The following KCNH7 variants were observed in gnomAD, a reference collection of about 807,000 sequenced individuals.
KCNH7 encodes the protein potassium voltage-gated channel subfamily H member 7, also known as voltage-gated inwardly rectifying potassium channel KCNH7.
In KCNH7, 49 loss-of-function variants were observed where a neutral mutation model predicts 120.8. The ratio of observed to expected loss-of-function variants is 0.41; its 90% confidence interval spans 0.32 to 0.51. KCNH7 has a LOEUF of 0.51. KCNH7 is among the 20% of genes least tolerant of loss of function. The probability of loss-of-function intolerance (pLI) is 0.38; values close to 1 mark genes in which losing one functional copy is unlikely to be tolerated. For missense variants in KCNH7, 1,097 were observed against 1,446.6 expected (o/e 0.76, Z 3.92); for synonymous variants, 547 against 516.1 (o/e 1.06, Z -0.81).
At chr2:162,445,409 C>T (rs1379992522) in intron 7 of KCNH7, among the ~76,000 whole-genome samples, 1 of 152,074 alleles carries the variant, frequency 6.6e-6, no homozygotes, top group African/African-American at 2.4e-5. Context: ...TGTAGGAAAA[C>T]TTAACTTCTT....
chr2:162,697,711 A>G (rs924731566), intron 2 of KCNH7, among the ~76,000 whole-genome samples: 5 of 152,026 alleles, frequency 3.3e-5, no homozygotes, highest in Non-Finnish European at 5.9e-5. Context: ...GTTTTGCATG[A>G]TTTTCTGTGT....
intron 9 of KCNH7, 121 bp from the exon 10 acceptor site, chr2:162,400,562 A>G: frequency 2.2e-6 from 2 of 925,466 alleles, no homozygotes; most frequent in South Asian, 3.2e-5. Flanking sequence ...AGTTCCTACT[A>G]CTCTTCTACC....
chr2:162,376,293 C>T (rs563201710), intron 14 of KCNH7, among the ~76,000 whole-genome samples: 4 of 151,904 alleles, frequency 2.6e-5, no homozygotes, highest in Non-Finnish European at 4.4e-5. Context: ...AGATAAATTG[C>T]TCTGTGTGCA....
intron 2 of KCNH7, among the ~76,000 whole-genome samples, chr2:162,762,476 A>G (rs1469050253): frequency 6.6e-6 from 1 of 151,968 alleles, no homozygotes; most frequent in Non-Finnish European, 1.5e-5. Context: ...TGGATTTTAG[A>G]TCCATTCTGA....
At chr2:162,464,826 A>T (rs959924144) in intron 6 of KCNH7, among the ~76,000 whole-genome samples, 2 of 152,032 alleles carry the variant, frequency 1.3e-5, no homozygotes, top group African/African-American at 4.8e-5. Context: ...TAACCCTCTC[A>T]TATACAGATA....
intron 9 of KCNH7, among the ~76,000 whole-genome samples, chr2:162,407,063 A>G (rs1326188774): frequency 1.3e-5 from 2 of 152,048 alleles, no homozygotes; most frequent in Non-Finnish European, 2.9e-5. Flanking sequence ...TGGCTGAAGA[A>G]AAAATAAGGA....
At chr2:162,634,222 G>A (rs1013794024) in intron 2 of KCNH7, among the ~76,000 whole-genome samples, 9 of 151,846 alleles carry the variant, frequency 5.9e-5, no homozygotes, top group African/African-American at 2.2e-4. Flanking sequence ...TCATTTTAAA[G>A]CACTATTAAA....
chr2:162,372,118 A>G, intron 15 of KCNH7, 23 bp from the exon 16 acceptor site: 3 of 1,574,698 alleles, frequency 1.9e-6, no homozygotes, highest in Non-Finnish European at 1.7e-6. Context: ...GAACAAAACA[A>G]GTTTTTATAA....
chr2:162,820,209 T>TGTGTGTGTG (rs1685065485), intron 2 of KCNH7, among the ~76,000 whole-genome samples: 7 of 99,682 alleles, frequency 7.0e-5, no homozygotes, highest in Non-Finnish European at 1.4e-4. Context: ...CCGGCTAATT[T>TGTGTGTGTG]TGTGTGTGTG....
chr2:162,636,902 T>C (rs541516114), intron 2 of KCNH7, among the ~76,000 whole-genome samples: 22 of 152,240 alleles, frequency 1.4e-4, no homozygotes, highest in African/African-American at 5.1e-4. Flanking sequence ...GTCAACACTT[T>C]GCAGTTATTC....
At chr2:162,787,207 T>C (rs1288284283) in intron 2 of KCNH7, among the ~76,000 whole-genome samples, 1 of 152,024 alleles carries the variant, frequency 6.6e-6, no homozygotes, top group Non-Finnish European at 1.5e-5. Context: ...GATCCATGTG[T>C]AGGATATCCT....
At chr2:162,833,805 C>A (rs920771119) in intron 2 of KCNH7, among the ~76,000 whole-genome samples, 3 of 152,204 alleles carry the variant, frequency 2.0e-5, no homozygotes, top group Non-Finnish European at 2.9e-5. Flanking sequence ...CTTTAGCGAA[C>A]AAGCTTTCCA....
intron 6 of KCNH7, among the ~76,000 whole-genome samples, chr2:162,470,248 A>G (rs1253616215): frequency 2.1e-5 from 3 of 143,384 alleles, no homozygotes; most frequent in South Asian, 2.3e-4. Flanking sequence ...CCGCCATCCC[A>G]TCTAGGAAGT....
chr2:162,468,501 T>G (rs1410784869), intron 6 of KCNH7, among the ~76,000 whole-genome samples: 2 of 151,268 alleles, frequency 1.3e-5, no homozygotes, highest in African/African-American at 2.4e-5. Context: ...GGCAAGGTAT[T>G]TATTCTTTTC....
intron 7 of KCNH7, among the ~76,000 whole-genome samples, chr2:162,442,943 TTTATGTACTTATGCATTTAC>T (rs972189423): frequency 1.3e-5 from 2 of 152,216 alleles, no homozygotes; most frequent in African/African-American, 4.8e-5. Flanking sequence ...TATGCATTTA[TTTATGTACTTATGCATTTAC>T]TGTGTAGAAA....
intron 3 of KCNH7, among the ~76,000 whole-genome samples, chr2:162,530,643 G>A (rs925355905): frequency 6.6e-6 from 1 of 152,010 alleles, no homozygotes; most frequent in Non-Finnish European, 1.5e-5. Context: ...TAGTTACAAT[G>A]TAGGTTTTGA....
At chr2:162,650,698 T>C (rs1433989193) in intron 2 of KCNH7, among the ~76,000 whole-genome samples, 2 of 146,602 alleles carry the variant, frequency 1.4e-5, no homozygotes, top group Non-Finnish European at 2.9e-5. Context: ...CCAATTTTCA[T>C]CCCATCAGCA....
intron 10 of KCNH7, among the ~76,000 whole-genome samples, chr2:162,399,434 C>G (rs998417335): frequency 1.3e-5 from 2 of 151,666 alleles, no homozygotes; most frequent in African/African-American, 4.8e-5. Context: ...AGGTTTGTTA[C>G]ATATGTATAC....
intron 2 of KCNH7, among the ~76,000 whole-genome samples, chr2:162,644,598 T>G (rs17787404): frequency 0.022 from 3,389 of 152,324 alleles, 53 homozygotes; most frequent in Non-Finnish European, 0.033. Flanking sequence ...AATACTTCGC[T>G]AGTAAGAGAT....
Sources: gnomAD v4.1 joint callset for allele counts (sites outside exome capture counted in the v4.1 genomes callset) on GRCh38, gnomAD v4.1.1 for gene constraint, MANE v1.5 for transcripts, NCBI Gene and HGNC (gene_info 2026-07-23, HGNC 2026-07-21) for gene names.